The following CHST3 variants were observed in gnomAD, a reference collection of about 807,000 sequenced individuals.
CHST3 encodes the protein C6ST-1.
CHST3 carries 20 observed loss-of-function variants against 35.4 expected under a neutral mutation model. The observed-to-expected ratio is 0.57, with a 90% CI of 0.40 to 0.82. The LOEUF is 0.82. Ranked by LOEUF, CHST3 falls within the 40% of genes least tolerant of loss-of-function variation. The pLI is 0.00. For synonymous variants in CHST3, 334 were observed against 295.9 expected (o/e 1.13, Z -1.32); for missense variants, 693 against 670.1 (o/e 1.03, Z -0.38).
intron 1 of CHST3, among the ~76,000 whole-genome samples, chr10:71,973,146 G>A (rs550143611): frequency 5.9e-5 from 9 of 152,316 alleles, no homozygotes; most frequent in East Asian, 1.9e-4. Flanking sequence ...GGCAGGAGTC[G>A]TGGTGAGCGG....
intron 1 of CHST3, among the ~76,000 whole-genome samples, chr10:71,996,558 G>A (rs777232363): frequency 1.3e-5 from 2 of 151,762 alleles, no homozygotes; most frequent in Non-Finnish European, 2.9e-5. Flanking sequence ...TTGGTGCAGC[G>A]TCATAACATA....
At chr10:71,978,692 G>A (rs1331024827) in intron 1 of CHST3, among the ~76,000 whole-genome samples, 1 of 152,222 alleles carries the variant, frequency 6.6e-6, no homozygotes, top group Non-Finnish European at 1.5e-5. Flanking sequence ...CCAAGGCACA[G>A]GAGCCTGCCT....
At position 71,981,181 on chromosome 10, in the gene CHST3, C is replaced by T. The variant is rs529009755; in HGVS notation, c.-108+16487C>T. Among the ~76,000 whole-genome samples the T allele has an allele frequency of 1.3e-4, 20 of 152,348 alleles. No homozygotes were observed. In the East Asian group the frequency reaches 3.7e-3, roughly 28 times the overall value. On this transcript the variant is annotated intron_variant, in intron 1 of 2. Coordinates refer to ENST00000373115, the MANE Select transcript of CHST3 (RefSeq NM_004273.5). ...GTAGGGGTCTGGTGGGTTTCACTGG[C>T]GGTCCCCAGTTTCCCAGCTTTAACC...
intron 1 of CHST3, among the ~76,000 whole-genome samples, chr10:71,981,298 C>T (rs1589499820): frequency 1.3e-5 from 2 of 152,368 alleles, no homozygotes; most frequent in East Asian, 3.9e-4. Flanking sequence ...ACTGCTTCTG[C>T]TCTCCAACCA....
At position 72,013,461 on chromosome 10, in the gene CHST3, A is replaced by G. The variant is rs1380657389; in HGVS notation, c.*4990A>G. 6.6e-6 allele frequency: 1 copy of G among 152,178 alleles called. No individual in the cohort carries two copies. Among genetic ancestry groups the G allele is most frequent in the Non-Finnish European group, 1.5e-5 (1 of 68,026 alleles). 9.4% of individuals were successfully genotyped at this position (152,178 alleles called of 1,614,324 possible). A position where few individuals can be genotyped will look rare whatever the true frequency, so the allele number is the denominator to read the frequency against. On this transcript the variant is annotated 3_prime_UTR_variant, in exon 3 of 3. Coordinates refer to ENST00000373115, the MANE Select transcript of CHST3 (RefSeq NM_004273.5). ...TGCCCTTCAGAGAGCTGGCAGCCCCAGCAGTCAGGGCCTGCTTTGCAGAAT... is the reference window on the plus strand; with the variant it reads ...TGCCCTTCAGAGAGCTGGCAGCCCCGGCAGTCAGGGCCTGCTTTGCAGAAT...
intron 1 of CHST3, among the ~76,000 whole-genome samples, chr10:72,000,112 G>A (rs1839977880): frequency 6.6e-6 from 1 of 150,618 alleles, no homozygotes; most frequent in South Asian, 2.1e-4. Context: ...CATGCTCACA[G>A]CCACTCATGT....
At chr10:71,997,631 T>C (rs905850469) in intron 1 of CHST3, among the ~76,000 whole-genome samples, 4 of 151,988 alleles carry the variant, frequency 2.6e-5, no homozygotes, top group African/African-American at 4.8e-5. Context: ...ATTCAAACAG[T>C]GTAAAAGAGA....
chr10:72,005,299 GTC>G lies in CHST3; in HGVS notation c.-107-435_-107-434del, dbSNP rs1491046507. On this transcript the variant is annotated intron_variant, in intron 1 of 2. Coordinates refer to ENST00000373115, the MANE Select transcript of CHST3 (RefSeq NM_004273.5). ...TCTGCACCTTTGTGTGTGTGTGTGT[GTC>G]TGTGTGTGTGTGTGTGTGTGTTCTC... Among the ~76,000 whole-genome samples, 386 of 138,276 alleles carry G rather than the reference GTC, an allele frequency of 2.8e-3. 1 individual carries two copies. The highest frequency in any genetic ancestry group is 7.3e-3 in the African/African-American group (219 of 29,824). 90.7% of individuals were successfully genotyped at this position (138,276 alleles called of 152,430 possible). A position where few individuals can be genotyped will look rare whatever the true frequency, so the allele number is the denominator to read the frequency against.
intron 1 of CHST3, among the ~76,000 whole-genome samples, chr10:71,976,899 G>C (rs958858408): frequency 6.6e-6 from 1 of 152,130 alleles, no homozygotes; most frequent in Non-Finnish European, 1.5e-5. Context: ...ACATGTCCAT[G>C]GTGCAAAGTT....
At chr10:71,994,782 G>A (rs748574602) in intron 1 of CHST3, among the ~76,000 whole-genome samples, 4 of 152,154 alleles carry the variant, frequency 2.6e-5, no homozygotes, top group African/African-American at 4.8e-5. Flanking sequence ...AGCCACCTTC[G>A]TCAGTGATCT....
chr10:71,972,458 G>A (rs1260572989), intron 1 of CHST3, among the ~76,000 whole-genome samples: 1 of 152,166 alleles, frequency 6.6e-6, no homozygotes, highest in Non-Finnish European at 1.5e-5. Context: ...GTACCTGCCG[G>A]CTGCCCTGGG....
At chr10:71,975,023 TTA>T (rs1259572806) in intron 1 of CHST3, among the ~76,000 whole-genome samples, 1 of 152,284 alleles carries the variant, frequency 6.6e-6, no homozygotes, top group Non-Finnish European at 1.5e-5. Flanking sequence ...TGTCGAGCTT[TTA>T]GAGTTGCTTT....
intron 1 of CHST3, among the ~76,000 whole-genome samples, chr10:71,969,257 G>T (rs1199264504): frequency 6.6e-6 from 1 of 152,180 alleles, no homozygotes; most frequent in Non-Finnish European, 1.5e-5. Flanking sequence ...TTATCTGTTG[G>T]CCCCACTTTA....
intron 1 of CHST3, among the ~76,000 whole-genome samples, chr10:71,975,040 T>C (rs1839732318): frequency 6.6e-6 from 1 of 152,138 alleles, no homozygotes; most frequent in South Asian, 2.1e-4. Context: ...TGCTTTTCCT[T>C]GAGAATGGTG....
At chr10:72,005,183 A>C (rs1840026265) in intron 1 of CHST3, among the ~76,000 whole-genome samples, 1 of 152,212 alleles carries the variant, frequency 6.6e-6, no homozygotes, top group South Asian at 2.1e-4. Context: ...GCTGTCAAAC[A>C]TTCTATAATT....
chr10:71,975,587 G>A (rs1236715981), intron 1 of CHST3, among the ~76,000 whole-genome samples: 2 of 152,348 alleles, frequency 1.3e-5, no homozygotes, highest in East Asian at 1.9e-4. Flanking sequence ...GCTGTTTGGG[G>A]TGAGAAGTTT....
chr10:72,000,266 C>T (rs985683619), intron 1 of CHST3, among the ~76,000 whole-genome samples: 1 of 152,222 alleles, frequency 6.6e-6, no homozygotes, highest in African/African-American at 2.4e-5. Flanking sequence ...ATTTATGAAG[C>T]ACCCACTCTG....
At chr10:71,986,584 C>A (rs888578476) in intron 1 of CHST3, among the ~76,000 whole-genome samples, 1 of 152,224 alleles carries the variant, frequency 6.6e-6, no homozygotes, top group Non-Finnish European at 1.5e-5. Flanking sequence ...AGCTGAGAAA[C>A]CGTTTGGCCA....
chr10:71,987,270 G>A (rs906410318), intron 1 of CHST3, among the ~76,000 whole-genome samples: 1 of 151,536 alleles, frequency 6.6e-6, no homozygotes, highest in African/African-American at 2.4e-5. Flanking sequence ...TGAAGTCAGG[G>A]CGGGAGCAGG....
Sources: gnomAD v4.1 joint callset for allele counts (sites outside exome capture counted in the v4.1 genomes callset) on GRCh38, gnomAD v4.1.1 for gene constraint, MANE v1.5 for transcripts, NCBI Gene and HGNC (gene_info 2026-07-23, HGNC 2026-07-21) for gene names.